ATAD2: variants seen among roughly 807,000 people sequenced by gnomAD.
ATAD2 encodes the protein ATPase family AAA domain containing 2.
ATAD2 carries 62 observed loss-of-function variants against 168.9 expected under a neutral mutation model. That is an observed-to-expected ratio of 0.37 (90% CI 0.30 to 0.45). The LOEUF (loss-of-function observed/expected upper bound fraction) is 0.45, where lower values mean the gene tolerates loss of function less well. Ranked by LOEUF, ATAD2 falls within the 20% of genes least tolerant of loss-of-function variation. The pLI is 1.00. For missense variants in ATAD2, 1,419 were observed against 1,667.8 expected (o/e 0.85, Z 2.60); for synonymous variants, 613 against 571.6 (o/e 1.07, Z -1.03).
intron 3 of ATAD2, 66 bp downstream of exon 3, chr8:123,372,570 CA>C: frequency 1.6e-6 from 2 of 1,287,906 alleles, no homozygotes; most frequent in Non-Finnish European, 2.1e-6. Flanking sequence ...GTAGGTACCT[CA>C]AAAAACCTGT....
At chr8:123,391,369 C>T (rs570193771) in intron 1 of ATAD2, among the ~76,000 whole-genome samples, 3 of 150,726 alleles carry the variant, frequency 2.0e-5, no homozygotes, top group African/African-American at 7.3e-5. Flanking sequence ...ATAAGCCCAG[C>T]TGAATGAGAA....
At position 123,328,187 on chromosome 8, in the gene ATAD2, T is replaced by C; in HGVS notation, c.3868+3A>G. On this transcript the variant is annotated splice_donor_region_variant and intron_variant, in intron 25 of 27. Coordinates refer to ENST00000287394, the MANE Select transcript of ATAD2 (RefSeq NM_014109.4). ...TAAATTATTTTAATTGAAAAAGACGTACCTTTTCCTTCATTTTCATCAGAA... is the reference window on the plus strand; with the variant it reads ...TAAATTATTTTAATTGAAAAAGACGCACCTTTTCCTTCATTTTCATCAGAA... 1.5e-6 allele frequency: 2 copies of C among 1,371,750 alleles called. No homozygotes were observed. The highest frequency in any genetic ancestry group is 1.5e-5 in the African/African-American group (1 of 67,400). The allele number at this position is 1,371,750 out of a possible 1,614,324, so 85.0% of individuals were successfully genotyped here.
chr8:123,397,239 TCAAAAAAAA>T (rs1812892780), upstream of ATAD2, among the ~76,000 whole-genome samples: 1 of 79,600 alleles, frequency 1.3e-5, no homozygotes, highest in Non-Finnish European at 2.4e-5. Flanking sequence ...AGACTCTGTC[TCAAAAAAAA>T]AAAAAAAAAA....
In ATAD2 at chr8:123,359,672, T is replaced by G. The variant is rs752748660; in HGVS notation, c.1171A>C (p.Asn391His). Residue 391 changes from asparagine to histidine, a missense_variant, in exon 10 of 28, where the codon AAT becomes CAT. Transcript: ENST00000287394. ...NRAINRCLPL[N>H]FRKDELKGIY... ...CCTTTTAATTCATCTTTCCGAAAATTTAGTGGGAGGCACCTATTTAAAAAG... is the reference window on the plus strand; with the variant it reads ...CCTTTTAATTCATCTTTCCGAAAATGTAGTGGGAGGCACCTATTTAAAAAG... 5 of 1,612,358 alleles carry G rather than the reference T, an allele frequency of 3.1e-6. No individual in the cohort carries two copies. In the South Asian group the frequency reaches 5.5e-5, roughly 18 times the overall value.
At position 123,369,982 on chromosome 8, in the gene ATAD2, CCAT is replaced by C. The variant is rs1280552338; in HGVS notation, c.767_769del (p.Asp256del). 7 of 1,586,718 alleles carry C rather than the reference CCAT, an allele frequency of 4.4e-6. No individual in the cohort carries two copies. The highest frequency in any genetic ancestry group is 6.0e-6 in the Non-Finnish European group (7 of 1,158,016). ...ATCATCTTCATCATCTTCATCTTCA[CCAT>C]CATCTTCATGTTCTTGGTCTTCACC... On this transcript the variant is annotated inframe_deletion, in exon 7 of 28. Transcript: ENST00000287394.
At chr8:123,401,917 G>A (rs4006560) in intron 1 of ATAD2, 35,862 of 775,030 alleles carry the variant, frequency 0.046, 1,142 homozygotes, top group Non-Finnish European at 0.06. Flanking sequence ...AGGACAAAGG[G>A]TCCATTCAGA....
intron 20 of ATAD2, among the ~76,000 whole-genome samples, chr8:123,338,113 T>C (rs1161199643): frequency 6.6e-6 from 1 of 152,130 alleles, no homozygotes; most frequent in African/African-American, 2.4e-5. Context: ...TCCCAGCACT[T>C]TGGGAGGCCG....
chr8:123,391,489 A>G (rs1690072748), intron 1 of ATAD2, among the ~76,000 whole-genome samples: 2 of 136,840 alleles, frequency 1.5e-5, no homozygotes, highest in African/African-American at 3.3e-5. Context: ...AGTTTTGAAA[A>G]AAAAAAAAAA....
chr8:123,338,271 C>T (rs151212188), intron 20 of ATAD2, among the ~76,000 whole-genome samples: 2,644 of 151,442 alleles, frequency 0.017, 59 homozygotes, highest in African/African-American at 0.06. Context: ...AGGAGAATGG[C>T]GTGAATCTGG....
chr8:123,349,263 T>C (rs778132591), intron 14 of ATAD2, 22 bp downstream of exon 14: 1 of 1,600,290 alleles, frequency 6.2e-7, no homozygotes, highest in Non-Finnish European at 8.5e-7. Context: ...TTGTCAAAAT[T>C]TGAGTGACAT....
chr8:123,336,412 T>C lies in ATAD2; in HGVS notation c.3172A>G (p.Ser1058Gly). 1 of 1,585,266 alleles carries C rather than the reference T, an allele frequency of 6.3e-7. No homozygotes were observed. Among genetic ancestry groups the C allele is most frequent in the East Asian group, 2.3e-5 (1 of 43,796 alleles). ...DYLRDIDLICSNALEYNPDRD... is the reference protein window; with the variant it reads ...DYLRDIDLICGNALEYNPDRD... ...TCTGGATTGTATTCTAAGGCATTAC[T>C]ACAGATTAGATCAATATCTCTCAAA... Residue 1058 changes from serine (S) to glycine (G), a missense_variant, in exon 22 of 28, where the codon AGT (serine) becomes GGT (glycine). Transcript: ENST00000287394.
At chr8:123,406,341 C>A (rs1450015277) in intron 1 of ATAD2, among the ~76,000 whole-genome samples, 1 of 138,554 alleles carries the variant, frequency 7.2e-6, no homozygotes, top group African/African-American at 2.7e-5. Flanking sequence ...GATCACACCA[C>A]TGCACTCCAG....
intron 14 of ATAD2, 24 bp downstream of exon 14, chr8:123,349,261 A>C: frequency 1.9e-6 from 3 of 1,600,340 alleles, no homozygotes; most frequent in Non-Finnish European, 2.6e-6. Context: ...TTTTGTCAAA[A>C]TTTGAGTGAC....
intron 7 of ATAD2, 35 bp from the exon 8 acceptor site, chr8:123,369,210 T>A: frequency 1.2e-5 from 9 of 735,240 alleles, no homozygotes; most frequent in Non-Finnish European, 1.5e-5. Flanking sequence ...TATTTGTATA[T>A]ATATATATAT....
intron 2 of ATAD2, among the ~76,000 whole-genome samples, chr8:123,373,058 A>G (rs1170282717): frequency 6.6e-6 from 1 of 151,676 alleles, no homozygotes; most frequent in African/African-American, 2.4e-5. Flanking sequence ...TCGCCCGGCT[A>G]ATTTTTTGGA....
At chr8:123,352,910 AAC>A (rs1828517963) in intron 13 of ATAD2, among the ~76,000 whole-genome samples, 4 of 151,998 alleles carry the variant, frequency 2.6e-5, no homozygotes, top group African/African-American at 9.6e-5. Context: ...AAAACAAACA[AAC>A]AAACAACCAA....
intron 2 of ATAD2, among the ~76,000 whole-genome samples, chr8:123,375,383 G>T (rs1362721744): frequency 6.6e-6 from 1 of 152,196 alleles, no homozygotes; most frequent in Non-Finnish European, 1.5e-5. Context: ...ACTATGACAA[G>T]TGTTGGTGAG....
At chr8:123,377,768 G>T (rs571691540) in intron 2 of ATAD2, among the ~76,000 whole-genome samples, 1 of 152,128 alleles carries the variant, frequency 6.6e-6, no homozygotes, top group African/African-American at 2.4e-5. Flanking sequence ...TAAATAGTAT[G>T]TCATGCTACC....
intron 12 of ATAD2, among the ~76,000 whole-genome samples, chr8:123,357,332 C>T (rs1004329479): frequency 1.3e-5 from 2 of 152,158 alleles, no homozygotes; most frequent in African/African-American, 2.4e-5. Context: ...TGCATGAGAC[C>T]TAAGACTCCA....
Sources: allele counts gnomAD v4.1 joint callset (sites outside exome capture counted in the v4.1 genomes callset), GRCh38; gene constraint gnomAD v4.1.1; transcripts MANE v1.5; gene names NCBI Gene and HGNC (gene_info 2026-07-23, HGNC 2026-07-21).